NEGR1: variants seen among roughly 807,000 people sequenced by gnomAD.
NEGR1 encodes the protein IgLON family member 4.
In NEGR1, 10 loss-of-function variants were observed where a neutral mutation model predicts 40.9. That is an observed-to-expected ratio of 0.24 (90% confidence interval 0.15 to 0.42). The LOEUF (loss-of-function observed/expected upper bound fraction) is 0.42, where lower values mean the gene tolerates loss of function less well. NEGR1 is among the 10% of genes least tolerant of loss of function. NEGR1 has a pLI of 1.00. For synonymous variants in NEGR1, 185 were observed against 166.8 expected (o/e 1.11, Z -0.84); for missense variants, 352 against 438.9 (o/e 0.80, Z 1.77).
At chr1:71,879,436 C>A (rs745850567) in intron 2 of NEGR1, among the ~76,000 whole-genome samples, 4 of 152,172 alleles carry the variant, frequency 2.6e-5, no homozygotes, top group Non-Finnish European at 4.4e-5. Context: ...TACATGCCAG[C>A]ATAGTGGCTC....
At chr1:72,160,426 T>G in intron 1 of NEGR1, among the ~76,000 whole-genome samples, 1 of 152,276 alleles carries the variant, frequency 6.6e-6, no homozygotes, top group Non-Finnish European at 1.5e-5. Flanking sequence ...ACTATTAGAA[T>G]TACAACTTTA....
chr1:72,053,205 T>C (rs1221102888), intron 1 of NEGR1, among the ~76,000 whole-genome samples: 1 of 151,216 alleles, frequency 6.6e-6, no homozygotes, highest in African/African-American at 2.4e-5. Flanking sequence ...ACATACCCTT[T>C]TCTTTGTTTT....
At chr1:71,663,038 G>A (rs1198121093) in intron 4 of NEGR1, among the ~76,000 whole-genome samples, 1 of 151,770 alleles carries the variant, frequency 6.6e-6, no homozygotes, top group East Asian at 1.9e-4. Context: ...CTCACTGCAA[G>A]CTCCGTCTCC....
At chr1:71,464,344 G>A (rs939647917) in intron 6 of NEGR1, among the ~76,000 whole-genome samples, 2 of 152,056 alleles carry the variant, frequency 1.3e-5, no homozygotes, top group Non-Finnish European at 2.9e-5. Flanking sequence ...GTTGTCATTA[G>A]TACCATGGTA....
chr1:71,870,358 TA>T (rs1660245871), intron 2 of NEGR1, among the ~76,000 whole-genome samples: 1 of 152,178 alleles, frequency 6.6e-6, no homozygotes, highest in Non-Finnish European at 1.5e-5. Flanking sequence ...TTAAAATAAT[TA>T]ACGCATAATT....
intron 1 of NEGR1, among the ~76,000 whole-genome samples, chr1:71,938,311 A>G (rs541030585): frequency 4.9e-4 from 75 of 151,952 alleles, no homozygotes; most frequent in Middle Eastern, 3.4e-3. Flanking sequence ...TAGAGAATAC[A>G]TGTAGTTTAA....
chr1:72,060,001 T>C (rs1014729507), intron 1 of NEGR1, among the ~76,000 whole-genome samples: 4 of 151,690 alleles, frequency 2.6e-5, no homozygotes, highest in South Asian at 2.1e-4. Flanking sequence ...ATGATTTAGA[T>C]GGAAACTCAG....
At chr1:71,559,383 T>C (rs1557566458) in intron 6 of NEGR1, among the ~76,000 whole-genome samples, 1 of 151,554 alleles carries the variant, frequency 6.6e-6, no homozygotes, top group Non-Finnish European at 1.5e-5. Flanking sequence ...AGCTCCTTTC[T>C]TCCTCATCTG....
intron 3 of NEGR1, among the ~76,000 whole-genome samples, chr1:71,711,956 C>T (rs1234808388): frequency 6.6e-6 from 1 of 152,036 alleles, no homozygotes; most frequent in African/African-American, 2.4e-5. Flanking sequence ...ATTTATTTAA[C>T]ATTATAGAAA....
chr1:72,145,719 G>C (rs936236781), intron 1 of NEGR1, among the ~76,000 whole-genome samples: 3 of 152,038 alleles, frequency 2.0e-5, no homozygotes, highest in Non-Finnish European at 2.9e-5. Context: ...TTCTCTGAAT[G>C]ATTCCACTCC....
At chr1:71,585,728 T>C (rs1218487547) in intron 6 of NEGR1, among the ~76,000 whole-genome samples, 1 of 149,336 alleles carries the variant, frequency 6.7e-6, no homozygotes, top group African/African-American at 2.5e-5. Flanking sequence ...TACAAGTGAA[T>C]GCTTATGTGC....
At chr1:71,926,626 C>T (rs1188866317) in intron 2 of NEGR1, among the ~76,000 whole-genome samples, 3 of 143,964 alleles carry the variant, frequency 2.1e-5, no homozygotes, top group African/African-American at 7.7e-5. Context: ...TGGAAGCCGA[C>T]AATGTGTGGT....
intron 1 of NEGR1, among the ~76,000 whole-genome samples, chr1:72,214,334 C>T (rs1653718988): frequency 6.6e-6 from 1 of 152,096 alleles, no homozygotes. Context: ...CTCACCACTC[C>T]TATTCAACGT....
chr1:71,730,569 T>TTTTATATATA (rs370694117), intron 3 of NEGR1, among the ~76,000 whole-genome samples: 3 of 134,726 alleles, frequency 2.2e-5, no homozygotes, highest in African/African-American at 8.3e-5. Context: ...TAGTATAAAT[T>TTTTATATATA]TATATATATA....
At chr1:71,977,252 G>A (rs1457528258) in intron 1 of NEGR1, among the ~76,000 whole-genome samples, 1 of 152,104 alleles carries the variant, frequency 6.6e-6, no homozygotes, top group African/African-American at 2.4e-5. Context: ...CTTGAACCAG[G>A]GAGGTGGAGG....
intron 1 of NEGR1, among the ~76,000 whole-genome samples, chr1:72,236,430 T>TA (rs955519249): frequency 4.0e-5 from 6 of 150,170 alleles, no homozygotes; most frequent in African/African-American, 7.4e-5. Flanking sequence ...TAAAGTATAA[T>TA]AAAAAAAAGA....
chr1:71,776,680 G>T (rs1209222949), intron 2 of NEGR1, among the ~76,000 whole-genome samples: 1 of 152,146 alleles, frequency 6.6e-6, no homozygotes, highest in Non-Finnish European at 1.5e-5. Context: ...AGGAAATACA[G>T]AAGAAACTTA....
chr1:71,913,643 AT>A (rs1661485704), intron 2 of NEGR1, among the ~76,000 whole-genome samples: 1 of 151,958 alleles, frequency 6.6e-6, no homozygotes. Flanking sequence ...ATTGATTAGA[AT>A]TTTCTTTCTA....
chr1:71,475,888 T>C (rs1646816550), intron 6 of NEGR1, among the ~76,000 whole-genome samples: 1 of 152,010 alleles, frequency 6.6e-6, no homozygotes, highest in South Asian at 2.1e-4. Flanking sequence ...GACTATAATA[T>C]CTTCAATAAT....
Sources: gnomAD v4.1 joint callset for allele counts (sites outside exome capture counted in the v4.1 genomes callset) on GRCh38, gnomAD v4.1.1 for gene constraint, MANE v1.5 for transcripts, NCBI Gene and HGNC (gene_info 2026-07-23, HGNC 2026-07-21) for gene names.